Variants in PLEC observed in about 807,000 individuals in gnomAD.
The protein encoded by PLEC is hemidesmosomal protein 1.
PLEC carries 216 observed loss-of-function variants against 392.8 expected under a neutral mutation model. The observed-to-expected ratio is 0.55, with a 90% confidence interval of 0.49 to 0.62. The LOEUF (loss-of-function observed/expected upper bound fraction) is 0.62, where lower values mean the gene tolerates loss of function less well. Among genes scored for constraint, PLEC ranks in the 20% least tolerant of loss-of-function variants. The pLI is 0.00. For missense variants in PLEC, 6,863 were observed against 6,563.4 expected (o/e 1.05, Z -1.58); for synonymous variants, 3,621 against 2,980.6 (o/e 1.21, Z -7.00).
intron 1 of PLEC, among the ~76,000 whole-genome samples, chr8:143,971,397 T>A (rs1026496146): frequency 6.6e-6 from 1 of 152,054 alleles, no homozygotes; most frequent in Non-Finnish European, 1.5e-5. Flanking sequence ...TGGAGGGATT[T>A]GGGGCTGCCT....
In PLEC at chr8:143,939,456, A is replaced by C. The variant is rs1455965348; in HGVS notation, c.6T>G (p.Ser2=). The C allele has an allele frequency of 1.2e-6, 2 of 1,611,092 alleles. No individual in the cohort carries two copies. The highest frequency in any genetic ancestry group is 2.2e-5 in the South Asian group (2 of 90,602). ...GCTGCGGCACGCGGAGCTGGTGCTG[A>C]GACATGCTGCCCCCACACCTTCGTC... M[S]QHQLRVPQPE... is the part of the protein sequence containing the mutation. The change falls in exon 1 of 32, where the codon TCT becomes TCG. Residue 2 remains serine, a synonymous_variant. Transcript: ENST00000345136.
In PLEC at chr8:143,929,396, G is replaced by A. The variant is rs782138604; in HGVS notation, c.3081+18C>T. The stretch of plus-strand genomic sequence containing the variant: ...ATGGGGAGAGGGATGGGACTGGATG[G>A]GGGGGGACGGCCCCTGCCTGCTGCT... On this transcript the variant is annotated intron_variant, in intron 24 of 31. Transcript: ENST00000345136. 12 of 1,560,986 alleles carry A rather than the reference G, an allele frequency of 7.7e-6. No homozygotes were observed. In the South Asian group the frequency reaches 9.3e-5, roughly 12 times the overall value.
chr8:143,953,682 TG>T, upstream of PLEC: 1 of 1,588,808 alleles, frequency 6.3e-7, no homozygotes, highest in Non-Finnish European at 8.6e-7. Flanking sequence ...GAGGTCACTG[TG>T]TGGTCCGCGC....
chr8:143,927,172 G>T, intron 28 of PLEC, 80 bp downstream of exon 28: 1 of 1,569,542 alleles, frequency 6.4e-7, no homozygotes, highest in African/African-American at 1.3e-5. Context: ...TCCCTGGCAT[G>T]GCCCAGGCTC....
At chr8:143,970,932 C>G (rs1157153123) in intron 1 of PLEC, among the ~76,000 whole-genome samples, 3 of 152,210 alleles carry the variant, frequency 2.0e-5, no homozygotes, top group Non-Finnish European at 4.4e-5. Flanking sequence ...CACAGGGTGC[C>G]CAGAGCTCTC....
In PLEC at chr8:143,919,177, C is replaced by T. The variant is rs782004203; in HGVS notation, c.10644G>A (p.Lys3548=). ...LRLLPLKGAE[K]AEVVETTQVY... ...CCTGCGTGGTCTCCACCACCTCAGC[C>T]TTCTCCGCCCCTTTCAGTGGCAGAA... The change falls in exon 32 of 32, where the codon AAG becomes AAA. Residue 3548 remains lysine, a synonymous_variant. Coordinates refer to ENST00000345136, the MANE Select transcript of PLEC (RefSeq NM_201384.3). The T allele has an allele frequency of 1.9e-6, 3 of 1,613,712 alleles. No homozygotes were observed. Among genetic ancestry groups the T allele is most frequent in the African/African-American group, 2.7e-5 (2 of 74,938 alleles).
Position 143,920,072 on chromosome 8 carries a change from G to A in PLEC, c.9749C>T (p.Thr3250Met), listed in dbSNP as rs201349099. The change falls in exon 32 of 32, where the codon ACG becomes ATG. Residue 3250 changes from threonine to methionine, a missense_variant. Thr to Met is a moderately conservative substitution (Grantham distance 81). Transcript: ENST00000345136. ...GCTGATGAGCTCCCACACCGTCACC[G>A]TCCTGCCCTTGAAGCCACCCACGGG... Reference protein sequence around the residue: ...EVPVGGFKGRTVTVWELISSE... With the variant: ...EVPVGGFKGRMVTVWELISSE... 4.6e-5 allele frequency: 75 copies of A among 1,613,262 alleles called. No individual in the cohort carries two copies. Among genetic ancestry groups the A allele is most frequent in the African/African-American group, 1.5e-4 (11 of 75,070 alleles).
chr8:143,953,765 G>C (rs1564216622), upstream of PLEC: 1 of 1,612,268 alleles, frequency 6.2e-7, no homozygotes, highest in Non-Finnish European at 8.5e-7. Flanking sequence ...GCTCGCGAGG[G>C]GTCCATGTCT....
rs376082569 is a variant in PLEC, at chr8:143,927,909, G to A, written c.3344C>T (p.Ala1115Val). The change falls in exon 26 of 32, where the codon GCC becomes GTC. Residue 1115 changes from alanine to valine, a missense_variant. Ala to Val is a moderately conservative substitution (Grantham distance 64). Coordinates refer to ENST00000345136, the MANE Select transcript of PLEC (RefSeq NM_201384.3). ...LRAHEEQLKE[A>V]QAVPATLPEL... Reference sequence around the variant, plus strand: ...CGGGAGGGTGGCCGGCACGGCCTGGGCCTCCTTGAGCTGCTCCTCGTGGGC... The same window carrying A: ...CGGGAGGGTGGCCGGCACGGCCTGGACCTCCTTGAGCTGCTCCTCGTGGGC... 22 of 1,598,210 alleles carry A rather than the reference G, an allele frequency of 1.4e-5. No individual in the cohort carries two copies. The highest frequency in any genetic ancestry group is 1.9e-5 in the Non-Finnish European group (22 of 1,173,372).
Position 143,916,253 on chromosome 8 carries a change from G to T in PLEC, c.13568C>A (p.Ser4523Tyr), listed in dbSNP as rs782566104. 127 of 1,548,368 alleles carry T rather than the reference G, an allele frequency of 8.2e-5. No individual in the cohort carries two copies. The highest frequency in any genetic ancestry group is 1.1e-4 in the Non-Finnish European group (121 of 1,146,678). Residue 4523 changes from serine to tyrosine, a missense_variant, in exon 32 of 32, where the codon TCC becomes TAC. Ser to Tyr is a moderately radical substitution (Grantham distance 144). Coordinates refer to ENST00000345136, the MANE Select transcript of PLEC (RefSeq NM_201384.3). Reference sequence around the variant, plus strand: ...GTAGCGGCGGCCGTAGCCCGAGGAGGAGTAGGAGGATGAAGAGAAGGTCAT... The same window carrying T: ...GTAGCGGCGGCCGTAGCCCGAGGAGTAGTAGGAGGATGAAGAGAAGGTCAT... The part of the protein sequence containing the change: ...FSMTFSSSSY[S>Y]SSGYGRRYAS...
At position 143,968,529 on chromosome 8, in the gene PLEC, C is replaced by CAA. The variant is rs57468544; in HGVS notation, c.70+4872_70+4873dup. 4.6e-4 allele frequency among the ~76,000 whole-genome samples: 29 copies of CAA among 63,700 alleles called. 1 individual carries two copies. The highest frequency in any genetic ancestry group is 1.9e-3 in the South Asian group (3 of 1,580). 41.8% of individuals were successfully genotyped at this position (63,700 alleles called of 152,430 possible). The stretch of plus-strand genomic sequence containing the variant: ...TGGGTGACAGAGCAAAACTCCATCT[C>CAA]AAAAAAAAAAAAAAAAAAGACACCA... On this transcript the variant is annotated intron_variant, in intron 1 of 31. Transcript: ENST00000356346.
In PLEC at chr8:143,925,509, C is replaced by G; in HGVS notation, c.4420G>C (p.Glu1474Gln). 6.3e-7 allele frequency: 1 copy of G among 1,595,522 alleles called. No homozygotes were observed. The highest frequency in any genetic ancestry group is 8.5e-7 in the Non-Finnish European group (1 of 1,177,868). The change falls in exon 31 of 32, where the codon GAG (glutamate) becomes CAG (glutamine). Residue 1474 changes from glutamate to glutamine, a missense_variant. Coordinates refer to ENST00000345136, the MANE Select transcript of PLEC (RefSeq NM_201384.3). ...TERQRGGAEGELQALRARAEE... is the reference protein window; with the variant it reads ...TERQRGGAEGQLQALRARAEE... Reference sequence around the variant, plus strand: ...GCCCGTGCACGCAGTGCCTGCAGCTCCCCCTCAGCCCCGCCACGCTGGCGC... The same window carrying G: ...GCCCGTGCACGCAGTGCCTGCAGCTGCCCCTCAGCCCCGCCACGCTGGCGC...
chr8:143,918,260 C>T lies in PLEC; in HGVS notation c.11561G>A (p.Arg3854His), dbSNP rs782426200. The change falls in exon 32 of 32, where the codon CGC (arginine) becomes CAC (histidine). Residue 3854 changes from arginine to histidine, a missense_variant. By Grantham distance (29) the Arg-to-His change is conservative. Transcript: ENST00000345136. ...CCTGAGCAGCTGCGTGTAGCTGAGGCGCTCGTCGGTGGACGGGTCCACGTA... is the reference window on the plus strand; with the variant it reads ...CCTGAGCAGCTGCGTGTAGCTGAGGTGCTCGTCGGTGGACGGGTCCACGTA... ...RSYVDPSTDERLSYTQLLRRC... is the reference protein window; with the variant it reads ...RSYVDPSTDEHLSYTQLLRRC... 38 of 1,591,572 alleles carry T rather than the reference C, an allele frequency of 2.4e-5. No homozygotes were observed. Among genetic ancestry groups the T allele is most frequent in the African/African-American group, 1.1e-4 (8 of 74,884 alleles).
At chr8:143,942,321 AG>A, upstream of PLEC, 1 of 1,569,654 alleles carries the variant, frequency 6.4e-7, no homozygotes, top group Non-Finnish European at 8.7e-7. Flanking sequence ...GGTTCCCAGC[AG>A]AGACCCAGCC....
rs1298210653 is a variant in PLEC at position 143,927,685 on chromosome 8, C to G, written c.3481G>C (p.Glu1161Gln). The change falls in exon 27 of 32, where the codon GAG (glutamate) becomes CAG (glutamine). Residue 1161 changes from glutamate (E) to glutamine (Q), a missense_variant. Transcript: ENST00000345136. Reference sequence around the variant, plus strand: ...TCCCCGTGCCGCTGCTGCAGTCGCTCCCCCACCTCCTGTGCCCCCCGCAGC... The same window carrying G: ...TCCCCGTGCCGCTGCTGCAGTCGCTGCCCCACCTCCTGTGCCCCCCGCAGC... The part of the protein sequence containing the change: ...DELRGAQEVG[E>Q]RLQQRHGERD... 6.3e-7 allele frequency: 1 copy of G among 1,581,646 alleles called. No individual in the cohort carries two copies. The highest frequency in any genetic ancestry group is 1.1e-5 in the South Asian group (1 of 87,570).
chr8:143,943,823 A>G, upstream of PLEC: 15 of 1,612,342 alleles, frequency 9.3e-6, no homozygotes, highest in Non-Finnish European at 1.3e-5. Flanking sequence ...CCAGTGCCAC[A>G]CAGCGGCCAG....
Position 143,932,422 on chromosome 8 carries a change from G to C in PLEC, c.1955C>G (p.Thr652Ser). 1.2e-6 allele frequency: 2 copies of C among 1,612,876 alleles called. No individual in the cohort carries two copies. The highest frequency in any genetic ancestry group is 1.7e-5 in the Admixed American group (1 of 60,018). ...FDWSDRNTNM[T>S]AKKESYSALM... Reference sequence around the variant, plus strand: ...CACCGAGTAGCTCTCCTTCTTGGCGGTCATGTTGGTGTTGCGGTCGCTCCA... The same window carrying C: ...CACCGAGTAGCTCTCCTTCTTGGCGCTCATGTTGGTGTTGCGGTCGCTCCA... Residue 652 changes from threonine to serine, a missense_variant, in exon 16 of 32, where the codon ACC becomes AGC. Coordinates refer to ENST00000345136, the MANE Select transcript of PLEC (RefSeq NM_201384.3).
Position 143,917,445 on chromosome 8 carries a change from G to A in PLEC, c.12376C>T (p.Arg4126Trp), listed in dbSNP as rs782705985. The A allele has an allele frequency of 7.7e-5, 125 of 1,613,374 alleles. No homozygotes were observed. Among genetic ancestry groups the A allele is most frequent in the Non-Finnish European group, 1.0e-4 (119 of 1,180,018 alleles). ...LCLLPLKEKK[R>W]ERKTSSKSSV... is the part of the protein sequence containing the mutation. Reference sequence around the variant, plus strand: ...GACTTGGAGGACGTCTTCCGCTCCCGCTTCTTCTCCTTCAGCGGCAAGAGA... The same window carrying A: ...GACTTGGAGGACGTCTTCCGCTCCCACTTCTTCTCCTTCAGCGGCAAGAGA... The change falls in exon 32 of 32, where the codon CGG (arginine) becomes TGG (tryptophan). Residue 4126 changes from arginine to tryptophan, a missense_variant. Transcript: ENST00000345136.
chr8:143,934,135 G>A (rs782486879), intron 11 of PLEC, 44 bp from the exon 12 acceptor site: 7 of 1,597,176 alleles, frequency 4.4e-6, no homozygotes, highest in Admixed American at 3.4e-5. Flanking sequence ...GCCGGGTCCG[G>A]CACAGCCCTG....
Sources: gnomAD v4.1 joint callset for allele counts (sites outside exome capture counted in the v4.1 genomes callset) on GRCh38, gnomAD v4.1.1 for gene constraint, MANE v1.5 for transcripts, NCBI Gene and HGNC (gene_info 2026-07-23, HGNC 2026-07-21) for gene names.